CCDC158: variants seen among roughly 807,000 people sequenced by gnomAD.
CCDC158 encodes coiled-coil domain containing 158.
A neutral mutation model predicts 138.6 loss-of-function variants in CCDC158; 116 were observed. The ratio of observed to expected loss-of-function variants is 0.84; its 90% CI spans 0.72 to 0.98. The LOEUF (loss-of-function observed/expected upper bound fraction) is 0.98. Among genes scored for constraint, CCDC158 ranks in the 50% least tolerant of loss-of-function variants. The pLI is 0.00. For synonymous variants in CCDC158, 436 were observed against 442.4 expected, an observed-to-expected ratio of 0.99 and a Z score of 0.18; for missense variants, 1,265 against 1,306.1, an observed-to-expected ratio of 0.97 and a Z score of 0.48.
At chr4:76,397,628 A>G (rs905403898) in intron 3 of CCDC158, among the ~76,000 whole-genome samples, 1 of 152,214 alleles carries the variant, frequency 6.6e-6, no homozygotes, top group Non-Finnish European at 1.5e-5. Context: ...AGAAGAGAGA[A>G]AATGAATAAA....
chr4:76,339,319 C>T (rs2110127741), intron 18 of CCDC158, among the ~76,000 whole-genome samples: 1 of 152,238 alleles, frequency 6.6e-6, no homozygotes, highest in South Asian at 2.1e-4. Context: ...CTGCCTGCTG[C>T]TACATACATT....
At chr4:76,374,935 C>T (rs1725577255) in intron 9 of CCDC158, among the ~76,000 whole-genome samples, 1 of 152,136 alleles carries the variant, frequency 6.6e-6, no homozygotes, top group African/African-American at 2.4e-5. Context: ...TAAGAAGTTC[C>T]TCCAGCCCCC....
At chr4:76,337,373 C>A (rs1352805470) in intron 18 of CCDC158, among the ~76,000 whole-genome samples, 1 of 152,122 alleles carries the variant, frequency 6.6e-6, no homozygotes, top group African/African-American at 2.4e-5. Flanking sequence ...TTAAATACTT[C>A]ATTGGTTAAT....
intron 18 of CCDC158, among the ~76,000 whole-genome samples, chr4:76,342,021 G>A (rs1157324781): frequency 6.6e-6 from 1 of 152,048 alleles, no homozygotes; most frequent in Non-Finnish European, 1.5e-5. Flanking sequence ...AAGGACATAA[G>A]TTCTGGACTC....
Position 76,421,042 on chromosome 4 carries a change from C to T in CCDC158, c.-194G>A, listed in dbSNP as rs1325914045. Among the ~76,000 whole-genome samples the T allele has an allele frequency of 3.3e-5, 5 of 152,008 alleles. No homozygotes were observed. On this transcript the variant is annotated 5_prime_UTR_variant, in exon 1 of 25. Transcript: ENST00000682701. ...GCGGGCGCAGCGGCCCCACCTACGTCGACCTGGCGGCTGGGACGGGGCGGC... is the reference window on the plus strand; with the variant it reads ...GCGGGCGCAGCGGCCCCACCTACGTTGACCTGGCGGCTGGGACGGGGCGGC...
chr4:76,358,089 C>T (rs1228205540), intron 13 of CCDC158, among the ~76,000 whole-genome samples: 3 of 152,136 alleles, frequency 2.0e-5, no homozygotes, highest in African/African-American at 7.2e-5. Context: ...TTTGTCCAGA[C>T]ATCTCCATGT....
intron 18 of CCDC158, chr4:76,345,072 T>C: frequency 7.5e-7 from 1 of 1,328,026 alleles, no homozygotes; most frequent in Non-Finnish European, 1.1e-6. Context: ...GCTGACAAAA[T>C]GACCAGATCT....
At chr4:76,344,670 T>C in intron 18 of CCDC158, 2 of 1,613,120 alleles carry the variant, frequency 1.2e-6, no homozygotes, top group Admixed American at 3.3e-5. Context: ...ACTGCCCATG[T>C]TTCAGAGCCC....
At position 76,403,256 on chromosome 4, in the gene CCDC158, C is replaced by T. The variant is rs374456386; in HGVS notation, c.-49G>A. 4.6e-6 allele frequency: 6 copies of T among 1,297,230 alleles called. No homozygotes were observed. Among genetic ancestry groups the T allele is most frequent in the Middle Eastern group, 1.9e-4 (1 of 5,404 alleles). 80.4% of individuals were successfully genotyped at this position (1,297,230 alleles called of 1,614,324 possible). On this transcript the variant is annotated 5_prime_UTR_variant, in exon 3 of 25. Coordinates refer to ENST00000682701, the MANE Select transcript of CCDC158 (RefSeq NM_001394954.1). ...AGAGATCTTGAAGTATGAATGGTTCCCTCTTTGGTTCTTTTGGTTCCTGTC... is the reference window on the plus strand; with the variant it reads ...AGAGATCTTGAAGTATGAATGGTTCTCTCTTTGGTTCTTTTGGTTCCTGTC...
intron 1 of CCDC158, among the ~76,000 whole-genome samples, chr4:76,417,954 G>A (rs1330726418): frequency 6.6e-6 from 1 of 152,206 alleles, no homozygotes; most frequent in African/African-American, 2.4e-5. Flanking sequence ...GGCCAACTAT[G>A]TGTCATGCCA....
intron 10 of CCDC158, 118 bp from the exon 11 acceptor site, chr4:76,369,741 A>G (rs779792673): frequency 2.4e-6 from 2 of 827,816 alleles, no homozygotes; most frequent in Non-Finnish European, 3.7e-6. Flanking sequence ...TGATTTTGGA[A>G]TCTGATTCCT....
chr4:76,362,105 A>G, intron 13 of CCDC158, 21 bp downstream of exon 13: 3 of 1,605,936 alleles, frequency 1.9e-6, no homozygotes, highest in Non-Finnish European at 1.7e-6. Context: ...TTTTAGTAGG[A>G]TTTGTGCTGA....
intron 3 of CCDC158, among the ~76,000 whole-genome samples, chr4:76,398,324 C>A (rs554387900): frequency 6.6e-6 from 1 of 152,208 alleles, no homozygotes; most frequent in South Asian, 2.1e-4. Flanking sequence ...ATGTAACTTT[C>A]AATTAGTGGG....
intron 21 of CCDC158, 92 bp from the exon 22 acceptor site, chr4:76,329,059 G>T: frequency 1.0e-6 from 1 of 998,298 alleles, no homozygotes; most frequent in Non-Finnish European, 1.6e-6. Flanking sequence ...AGGCAAATGT[G>T]ATGGTTTAAA....
At position 76,412,465 on chromosome 4, in the gene CCDC158, A is replaced by T. The variant is rs374499068; in HGVS notation, c.-116-333T>A. 1.8e-3 allele frequency among the ~76,000 whole-genome samples: 271 copies of T among 152,320 alleles called. 1 individual carries two copies. The highest frequency in any genetic ancestry group is 8.3e-3 in the South Asian group (40 of 4,822). ...TTGCCTCTACAAAAAATTTTTTTAA[A>T]AATAGCCTATAGTGGCCGGGCATGG... On this transcript the variant is annotated intron_variant, in intron 1 of 24. Transcript: ENST00000682701.
chr4:76,395,943 C>A (rs10033042), intron 4 of CCDC158, among the ~76,000 whole-genome samples: 4,485 of 152,246 alleles, frequency 0.029, 222 homozygotes, highest in African/African-American at 0.1. Context: ...AGCAGGACAG[C>A]AGGTCTATGC....
intron 12 of CCDC158, among the ~76,000 whole-genome samples, chr4:76,364,232 AT>A (rs996359951): frequency 6.6e-6 from 1 of 152,080 alleles, no homozygotes; most frequent in Non-Finnish European, 1.5e-5. Context: ...CTCATACCCA[AT>A]TGTTGATCAA....
rs764577428 is a variant in CCDC158, at chr4:76,371,473, G to T, written c.1093C>A (p.Arg365Ser). The change falls in exon 10 of 25, where the codon CGT (arginine) becomes AGT (serine). Residue 365 changes from arginine (R) to serine (S), a missense_variant. Transcript: ENST00000682701. ...NSELTEARTE[R>S]DQFSQESGNL... The stretch of plus-strand genomic sequence containing the variant: ...CCAGATTCCTGACTGAATTGATCAC[G>T]CTCTGTCCGGGCTTCAGTTAGCTCT... 6 of 1,613,810 alleles carry T rather than the reference G, an allele frequency of 3.7e-6. No homozygotes were observed. Among genetic ancestry groups the T allele is most frequent in the Admixed American group, 1.7e-5 (1 of 60,004 alleles).
intron 22 of CCDC158, among the ~76,000 whole-genome samples, chr4:76,327,210 G>A (rs1330600533): frequency 6.6e-6 from 1 of 151,968 alleles, no homozygotes; most frequent in Non-Finnish European, 1.5e-5. Flanking sequence ...TAAACCTGAA[G>A]GAATTAACTT....
Sources: gnomAD v4.1 joint callset for allele counts (sites outside exome capture counted in the v4.1 genomes callset) on GRCh38, gnomAD v4.1.1 for gene constraint, MANE v1.5 for transcripts, NCBI Gene and HGNC (gene_info 2026-07-23, HGNC 2026-07-21) for gene names.